Variants in CADPS2 observed in about 807,000 individuals in gnomAD.
CADPS2 encodes calcium dependent secretion activator 2, also known as calcium-dependent secretion activator 2.
CADPS2 carries 93 observed loss-of-function variants against 172.5 expected under a neutral mutation model. The observed-to-expected ratio is 0.54, with a 90% CI of 0.46 to 0.64. The LOEUF is 0.64. Among genes scored for constraint, CADPS2 ranks in the 30% least tolerant of loss-of-function variants. The pLI, the probability that CADPS2 is intolerant of heterozygous loss-of-function variation, is 0.00. For missense variants in CADPS2, 1,420 were observed against 1,565.9 expected (o/e 0.91, Z 1.57); for synonymous variants, 546 against 555.2 (o/e 0.98, Z 0.23).
chr7:122,655,599 G>A (rs546983111), intron 3 of CADPS2, among the ~76,000 whole-genome samples: 50 of 149,830 alleles, frequency 3.3e-4, no homozygotes, highest in Middle Eastern at 3.4e-3. Flanking sequence ...TATATGCAGT[G>A]TGAAATAAAA....
rs763401249 is a variant in CADPS2 at position 122,584,609 on chromosome 7, A to C, written c.1224-3319T>G. On this transcript the variant is annotated intron_variant, in intron 6 of 29. Coordinates refer to ENST00000449022, the MANE Select transcript of CADPS2 (RefSeq NM_017954.11). ...ACATTATTCTAATTTATCTATTTTA[A>C]CCCTGCTGTTTAAAATTTTAAGTTG... 2.0e-4 allele frequency among the ~76,000 whole-genome samples: 30 copies of C among 151,860 alleles called. 1 individual carries two copies. Among genetic ancestry groups the C allele is most frequent in the Non-Finnish European group, 3.4e-4 (23 of 67,874 alleles).
At chr7:122,708,399 A>G (rs1408893888) in intron 2 of CADPS2, among the ~76,000 whole-genome samples, 1 of 150,038 alleles carries the variant, frequency 6.7e-6, no homozygotes, top group Non-Finnish European at 1.5e-5. Context: ...AATATTCATA[A>G]TGAGTTCAAC....
intron 2 of CADPS2, among the ~76,000 whole-genome samples, chr7:122,716,395 A>G (rs2089603566): frequency 6.6e-6 from 1 of 152,136 alleles, no homozygotes; most frequent in African/African-American, 2.4e-5. Flanking sequence ...AAAGGCAGGA[A>G]AATACAACCT....
intron 1 of CADPS2, among the ~76,000 whole-genome samples, chr7:122,741,353 T>C (rs1443708102): frequency 1.3e-5 from 2 of 152,034 alleles, no homozygotes; most frequent in Non-Finnish European, 2.9e-5. Context: ...AGACAGAAAA[T>C]ACAGGTAAAA....
At position 122,642,279 on chromosome 7, in the gene CADPS2, CAAA is replaced by C. The variant is rs11370822; in HGVS notation, c.787-12954_787-12952del. Among the ~76,000 whole-genome samples the C allele has an allele frequency of 6.2e-3, 775 of 124,826 alleles. 4 individuals carry two copies. Among genetic ancestry groups the C allele is most frequent in the African/African-American group, 0.021 (746 of 35,128 alleles). The allele number at this position is 124,826 out of a possible 152,430, so 81.9% of individuals were successfully genotyped here. On this transcript the variant is annotated intron_variant, in intron 3 of 29. Transcript: ENST00000449022. ...TGGAAGGCACAGTGAGACTCCATCT[CAAA>C]AAAAAAAAAAAAAGGAGAAATTAAT... is the stretch of plus-strand genomic sequence containing the variant.
intron 1 of CADPS2, among the ~76,000 whole-genome samples, chr7:122,865,223 T>C (rs544099816): frequency 1.3e-5 from 2 of 152,338 alleles, no homozygotes; most frequent in East Asian, 3.9e-4. Context: ...TCCACATACG[T>C]TGAATTAGCC....
intron 8 of CADPS2, among the ~76,000 whole-genome samples, chr7:122,546,327 G>A (rs1238558819): frequency 2.6e-5 from 4 of 152,112 alleles, no homozygotes; most frequent in Non-Finnish European, 5.9e-5. Flanking sequence ...ATTCAAGTAA[G>A]TTCTAGTTAT....
intron 1 of CADPS2, among the ~76,000 whole-genome samples, chr7:122,819,479 G>C (rs1400525505): frequency 6.6e-6 from 1 of 152,000 alleles, no homozygotes; most frequent in East Asian, 1.9e-4. Flanking sequence ...GGTAAGCCCC[G>C]TCCCCTTCTT....
At chr7:122,471,338 C>A in intron 14 of CADPS2, 37 bp downstream of exon 14, 1 of 1,555,888 alleles carries the variant, frequency 6.4e-7, no homozygotes, top group Non-Finnish European at 8.7e-7. Context: ...CATAGTCAAC[C>A]CCATACATTT....
chr7:122,422,644 T>C (rs2048663755), intron 17 of CADPS2, among the ~76,000 whole-genome samples: 1 of 152,104 alleles, frequency 6.6e-6, no homozygotes, highest in South Asian at 2.1e-4. Context: ...GTTAGATGCC[T>C]TCTGTTCATT....
chr7:122,345,778 C>T, intron 27 of CADPS2, 97 bp from the exon 28 acceptor site: 1 of 770,712 alleles, frequency 1.3e-6, no homozygotes, highest in African/African-American at 1.7e-5. Context: ...TTGAAAATTA[C>T]AGTCATAACA....
chr7:122,366,646 C>CACACAT (rs1554466593), intron 25 of CADPS2: 11 of 140,428 alleles, frequency 7.8e-5, no homozygotes, highest in African/African-American at 3.0e-4. Context: ...CACACACACA[C>CACACAT]ATATATATAC....
At chr7:122,810,108 C>T (rs939274257) in intron 1 of CADPS2, among the ~76,000 whole-genome samples, 2 of 152,098 alleles carry the variant, frequency 1.3e-5, no homozygotes, top group African/African-American at 4.8e-5. Context: ...AGTAAGTTTA[C>T]ATCTAGCATC....
intron 20 of CADPS2, among the ~76,000 whole-genome samples, chr7:122,404,896 TG>T (rs1265810666): frequency 6.7e-6 from 1 of 150,142 alleles, no homozygotes; most frequent in African/African-American, 2.5e-5. Context: ...GAGGCCGAGG[TG>T]GGGGGATCAG....
chr7:122,817,331 G>A (rs544518166), intron 1 of CADPS2, among the ~76,000 whole-genome samples: 12 of 152,170 alleles, frequency 7.9e-5, no homozygotes, highest in African/African-American at 2.2e-4. Context: ...TCAGGTAAGC[G>A]GCCTCTTCTT....
intron 27 of CADPS2, among the ~76,000 whole-genome samples, chr7:122,360,518 A>G (rs983166737): frequency 6.6e-6 from 1 of 152,196 alleles, no homozygotes; most frequent in African/African-American, 2.4e-5. Flanking sequence ...TTTCTACCCC[A>G]TCCTAGAGTG....
chr7:122,516,428 GGGA>G (rs2060381740), intron 8 of CADPS2, among the ~76,000 whole-genome samples: 1 of 151,962 alleles, frequency 6.6e-6, no homozygotes, highest in Admixed American at 6.6e-5. Flanking sequence ...TTTGCTACTT[GGGA>G]GGAGGCTGAG....
chr7:122,734,232 A>T lies in CADPS2; in HGVS notation c.453+2723T>A, dbSNP rs565190045. On this transcript the variant is annotated intron_variant, in intron 2 of 29. Coordinates refer to ENST00000449022, the MANE Select transcript of CADPS2 (RefSeq NM_017954.11). ...GACTTATTCTAAAATATAAATATAT[A>T]TTTAAATATATTTTAATTTCTCTGA... Among the ~76,000 whole-genome samples the T allele has an allele frequency of 1.9e-3, 288 of 149,052 alleles. 1 individual carries two copies. The highest frequency in any genetic ancestry group is 7.1e-3 in the Middle Eastern group (2 of 282).
intron 1 of CADPS2, among the ~76,000 whole-genome samples, chr7:122,884,559 T>C (rs947243567): frequency 6.6e-6 from 1 of 152,228 alleles, no homozygotes; most frequent in Non-Finnish European, 1.5e-5. Context: ...TTAGGTTACC[T>C]GAAGGATCTG....
Sources: allele counts gnomAD v4.1 joint callset (sites outside exome capture counted in the v4.1 genomes callset), GRCh38; gene constraint gnomAD v4.1.1; transcripts MANE v1.5; gene names NCBI Gene and HGNC (gene_info 2026-07-23, HGNC 2026-07-21).